The following RBKS variants were observed in gnomAD, a reference collection of about 807,000 sequenced individuals.
The protein encoded by RBKS is ribokinase.
A neutral mutation model predicts 33.9 loss-of-function variants in RBKS; 33 were observed. That is an observed-to-expected ratio of 0.97 (90% confidence interval 0.74 to 1.30). RBKS has a LOEUF of 1.30. Ranked by LOEUF, RBKS falls within the 50% of genes most tolerant of loss-of-function variation. The pLI is 0.00. For synonymous variants in RBKS, 125 were observed against 143.0 expected, an observed-to-expected ratio of 0.87 and a Z score of 0.90; for missense variants, 361 against 392.6, an observed-to-expected ratio of 0.92 and a Z score of 0.68.
chr2:27,885,718 T>A (rs1664513620), intron 1 of RBKS, among the ~76,000 whole-genome samples: 2 of 152,234 alleles, frequency 1.3e-5, no homozygotes, highest in Non-Finnish European at 2.9e-5. Flanking sequence ...CCTAACTTAC[T>A]ATGTAATTAA....
chr2:27,841,387 A>C (rs1239167646), intron 5 of RBKS, among the ~76,000 whole-genome samples: 1 of 152,188 alleles, frequency 6.6e-6, no homozygotes, highest in Non-Finnish European at 1.5e-5. Context: ...TATACAAAGA[A>C]AGACAAGAGC....
At chr2:27,867,919 T>C (rs1161682273) in intron 1 of RBKS, among the ~76,000 whole-genome samples, 2 of 152,174 alleles carry the variant, frequency 1.3e-5, no homozygotes, top group Non-Finnish European at 2.9e-5. Context: ...AACAAAGTCA[T>C]TTGTCAAAAG....
At chr2:27,884,014 A>G (rs1479946686) in intron 1 of RBKS, among the ~76,000 whole-genome samples, 10 of 152,248 alleles carry the variant, frequency 6.6e-5, no homozygotes, top group Non-Finnish European at 1.5e-4. Context: ...TTTCAGACCA[A>G]TTTAAGAAGC....
At chr2:27,798,356 C>T (rs962586316) in intron 7 of RBKS, among the ~76,000 whole-genome samples, 1 of 152,086 alleles carries the variant, frequency 6.6e-6, no homozygotes, top group Non-Finnish European at 1.5e-5. Context: ...TCAACACGGC[C>T]GAAATGAACT....
chr2:27,789,259 C>CT (rs924477778), intron 7 of RBKS, among the ~76,000 whole-genome samples: 14 of 151,156 alleles, frequency 9.3e-5, no homozygotes, highest in African/African-American at 2.9e-4. Context: ...GATTTCAGAT[C>CT]TTTTTTTTTG....
intron 1 of RBKS, among the ~76,000 whole-genome samples, chr2:27,879,207 C>T (rs1326833981): frequency 1.3e-5 from 2 of 152,138 alleles, no homozygotes; most frequent in East Asian, 3.9e-4. Flanking sequence ...CCTGTTCTCT[C>T]GCATAACCTG....
chr2:27,817,166 T>C (rs923958017), intron 7 of RBKS, among the ~76,000 whole-genome samples: 7 of 151,658 alleles, frequency 4.6e-5, no homozygotes, highest in Non-Finnish European at 1.0e-4. Flanking sequence ...ATGCCAAGCA[T>C]TGTATTAAGC....
intron 3 of RBKS, among the ~76,000 whole-genome samples, chr2:27,847,568 T>C (rs1373930286): frequency 2.0e-5 from 3 of 152,250 alleles, no homozygotes; most frequent in African/African-American, 7.2e-5. Flanking sequence ...AGGCAGCCTT[T>C]GGTAGCAGCA....
chr2:27,809,868 C>G, intron 7 of RBKS: 1 of 1,234,774 alleles, frequency 8.1e-7, no homozygotes, highest in Non-Finnish European at 1.1e-6. Flanking sequence ...TGCTGATGCA[C>G]AAAATTTTGA....
At chr2:27,809,808 A>T in intron 7 of RBKS, 1 of 579,020 alleles carries the variant, frequency 1.7e-6, no homozygotes, top group Non-Finnish European at 2.6e-6. Context: ...CCAGATTATT[A>T]AACAGCAAAG....
chr2:27,801,464 TACACACAC>T (rs56063622), intron 7 of RBKS, among the ~76,000 whole-genome samples: 1,616 of 136,318 alleles, frequency 0.012, 30 homozygotes, highest in African/African-American at 0.042. Flanking sequence ...GGCCACAGTA[TACACACAC>T]ACACACACAC....
At position 27,836,349 on chromosome 2, in the gene RBKS, C is replaced by T. The variant is rs1001056236; in HGVS notation, c.515-3572G>A. Among the ~76,000 whole-genome samples, 7 of 152,064 alleles carry T rather than the reference C, an allele frequency of 4.6e-5. No individual in the cohort carries two copies. In the South Asian group the frequency reaches 1.4e-3, roughly 31 times the overall value. On this transcript the variant is annotated intron_variant, in intron 5 of 7. Coordinates refer to ENST00000302188, the MANE Select transcript of RBKS (RefSeq NM_022128.3). The stretch of plus-strand genomic sequence containing the variant: ...GGGTAGGGAGCCATGAGGCAGGATA[C>T]AGATAAAACAAGATTGGCCATGTGC...
chr2:27,787,427 T>G (rs951917493), intron 7 of RBKS, among the ~76,000 whole-genome samples: 1 of 152,144 alleles, frequency 6.6e-6, no homozygotes, highest in African/African-American at 2.4e-5. Context: ...AGTGAGATCC[T>G]GTCCAAACAA....
At chr2:27,831,105 G>T (rs916582870) in intron 6 of RBKS, among the ~76,000 whole-genome samples, 1 of 152,122 alleles carries the variant, frequency 6.6e-6, no homozygotes, top group Non-Finnish European at 1.5e-5. Context: ...CAGGCATCGC[G>T]TGGGAGAGTC....
chr2:27,876,305 G>C (rs1422227369), intron 1 of RBKS, among the ~76,000 whole-genome samples: 2 of 152,054 alleles, frequency 1.3e-5, no homozygotes, highest in African/African-American at 4.8e-5. Context: ...AGCCTTAAAA[G>C]GAAGAAAATT....
chr2:27,840,352 A>ACACC (rs1553378242), intron 5 of RBKS, among the ~76,000 whole-genome samples: 1 of 132,926 alleles, frequency 7.5e-6, no homozygotes, highest in African/African-American at 3.2e-5. Context: ...ACACACACAC[A>ACACC]CACGCGCGCG....
chr2:27,861,292 C>T (rs1663977325), intron 1 of RBKS: 2 of 334,906 alleles, frequency 6.0e-6, no homozygotes, highest in Admixed American at 3.9e-5. Flanking sequence ...TTCTGTGTCT[C>T]CCCCGTATAG....
chr2:27,844,390 ATT>A, intron 4 of RBKS, among the ~76,000 whole-genome samples: 1 of 151,916 alleles, frequency 6.6e-6, no homozygotes, highest in Middle Eastern at 3.4e-3. Context: ...CATTTTAAAA[ATT>A]AAAAAAAAAT....
At chr2:27,826,841 C>T (rs1678322562) in intron 7 of RBKS, among the ~76,000 whole-genome samples, 1 of 152,180 alleles carries the variant, frequency 6.6e-6, no homozygotes, top group African/African-American at 2.4e-5. Context: ...CACTTGTCCT[C>T]AGCACAGTAC....
Sources: gnomAD v4.1 joint callset for allele counts (sites outside exome capture counted in the v4.1 genomes callset) on GRCh38, gnomAD v4.1.1 for gene constraint, MANE v1.5 for transcripts, NCBI Gene and HGNC (gene_info 2026-07-23, HGNC 2026-07-21) for gene names.